Variants in ATOSA observed in about 807,000 individuals in gnomAD.
ATOSA encodes atos homolog A.
the ATOSA span, chr15:52,658,461 A>C: frequency 3.0e-6 from 1 of 335,052 alleles, no homozygotes; most frequent in South Asian, 1.5e-4. Context: ...ATACCTCAAT[A>C]GTTTTCACCA....
chr15:52,652,019 C>T, the ATOSA span: 1 of 1,510,786 alleles, frequency 6.6e-7, no homozygotes. Context: ...GCGTTGGGTG[C>T]TGATCCCGCT....
the ATOSA span, among the ~76,000 whole-genome samples, chr15:52,651,572 C>A: frequency 6.6e-6 from 1 of 152,164 alleles, no homozygotes; most frequent in Non-Finnish European, 1.5e-5. Flanking sequence ...TCCCTGTATT[C>A]TCATTTCTAT....
the ATOSA span, among the ~76,000 whole-genome samples, chr15:52,620,967 T>C: frequency 2.0e-5 from 3 of 152,156 alleles, no homozygotes; most frequent in Non-Finnish European, 4.4e-5. Context: ...AAAAGTGTCC[T>C]TTTTACTTCA....
the ATOSA span, among the ~76,000 whole-genome samples, chr15:52,621,442 T>C: frequency 6.6e-6 from 1 of 152,258 alleles, no homozygotes; most frequent in Non-Finnish European, 1.5e-5. Context: ...CAGTGTCATA[T>C]ATTTTTAATT....
At chr15:52,609,877 A>G in the ATOSA span, 3 of 1,613,462 alleles carry the variant, frequency 1.9e-6, no homozygotes, top group African/African-American at 4.0e-5. Context: ...GCGGTTAGAG[A>G]TACTGGAATC....
At chr15:52,613,733 A>C in the ATOSA span, 1 of 1,613,904 alleles carries the variant, frequency 6.2e-7, no homozygotes, top group South Asian at 1.1e-5. Flanking sequence ...ACTGTGCTGG[A>C]GGGCAATGAA....
At chr15:52,645,568 T>C in the ATOSA span, among the ~76,000 whole-genome samples, 1,661 of 152,322 alleles carry the variant, frequency 0.011, 27 homozygotes, top group African/African-American at 0.038. Flanking sequence ...GTGGGTATGA[T>C]ATCTAAAATG....
the ATOSA span, among the ~76,000 whole-genome samples, chr15:52,632,184 G>A: frequency 6.6e-6 from 1 of 152,160 alleles, no homozygotes. Flanking sequence ...CTGTTCAAAA[G>A]TTACAGTGCC....
chr15:52,672,510 A>G, the ATOSA span, among the ~76,000 whole-genome samples: 15 of 152,322 alleles, frequency 9.8e-5, no homozygotes, highest in Non-Finnish European at 1.8e-4. Context: ...CCAAAAAAAA[A>G]AAAACCAGTA....
chr15:52,692,190 G>T, the ATOSA span, among the ~76,000 whole-genome samples: 3 of 152,142 alleles, frequency 2.0e-5, no homozygotes, highest in African/African-American at 7.2e-5. Context: ...TCATGACCAA[G>T]ACTTTATCCT....
chr15:52,632,136 G>A, the ATOSA span, among the ~76,000 whole-genome samples: 2 of 152,066 alleles, frequency 1.3e-5, no homozygotes, highest in African/African-American at 4.8e-5. Flanking sequence ...ATCTTAAAGT[G>A]GAAAAGACTA....
chr15:52,691,889 A>T, the ATOSA span, among the ~76,000 whole-genome samples: 1 of 151,994 alleles, frequency 6.6e-6, no homozygotes, highest in Non-Finnish European at 1.5e-5. Context: ...AAACGAGTCA[A>T]AGATCCACTC....
the ATOSA span, chr15:52,581,994 A>T: frequency 1.7e-6 from 1 of 573,672 alleles, no homozygotes; most frequent in Non-Finnish European, 2.9e-6. Context: ...GTCTACATGG[A>T]ATATATGGAT....
the ATOSA span, among the ~76,000 whole-genome samples, chr15:52,707,368 G>A: frequency 6.6e-6 from 1 of 152,166 alleles, no homozygotes; most frequent in African/African-American, 2.4e-5. Flanking sequence ...GATATCACAC[G>A]TCTCCAGAAA....
chr15:52,707,237 A>G, the ATOSA span, among the ~76,000 whole-genome samples: 1 of 152,216 alleles, frequency 6.6e-6, no homozygotes, highest in Non-Finnish European at 1.5e-5. Flanking sequence ...CAGGGTATTT[A>G]CACGGTCTCA....
At chr15:52,666,853 G>A in the ATOSA span, among the ~76,000 whole-genome samples, 2 of 151,912 alleles carry the variant, frequency 1.3e-5, no homozygotes, top group Admixed American at 6.6e-5. Flanking sequence ...AACAATGTAA[G>A]GACTATGAAG....
At chr15:52,588,178 C>A in the ATOSA span, among the ~76,000 whole-genome samples, 1 of 152,118 alleles carries the variant, frequency 6.6e-6, no homozygotes, top group Non-Finnish European at 1.5e-5. Flanking sequence ...TCTTCCCAGA[C>A]CTTACAAAGT....
the ATOSA span, chr15:52,611,167 C>T: frequency 6.2e-7 from 1 of 1,613,820 alleles, no homozygotes; most frequent in Non-Finnish European, 8.5e-7. Flanking sequence ...CCATGAGAAA[C>T]ACTCAGCCAT....
the ATOSA span, chr15:52,610,397 G>C: frequency 6.3e-7 from 1 of 1,584,794 alleles, no homozygotes; most frequent in Non-Finnish European, 8.6e-7. Context: ...GAATCACACA[G>C]AAAAATACTG....
Sources: gnomAD v4.1 joint callset for allele counts (sites outside exome capture counted in the v4.1 genomes callset) on GRCh38, gnomAD v4.1.1 for gene constraint, MANE v1.5 for transcripts, NCBI Gene and HGNC (gene_info 2026-07-23, HGNC 2026-07-21) for gene names.